RIPOR2: variants seen among roughly 807,000 people sequenced by gnomAD.
RIPOR2 encodes the protein RHO family interacting cell polarization regulator 2.
RIPOR2 carries 39 observed loss-of-function variants against 114.5 expected under a neutral mutation model. The ratio of observed to expected loss-of-function variants is 0.34; its 90% CI spans 0.26 to 0.44. The LOEUF is 0.44. Among genes scored for constraint, RIPOR2 ranks in the 20% least tolerant of loss-of-function variants. The pLI is 1.00. For missense variants in RIPOR2, 1,007 were observed against 1,255.1 expected (o/e 0.80, Z 2.99); for synonymous variants, 445 against 484.4 (o/e 0.92, Z 1.07).
At chr6:24,997,758 G>A (rs1393983336) in intron 1 of RIPOR2, among the ~76,000 whole-genome samples, 2 of 152,154 alleles carry the variant, frequency 1.3e-5, no homozygotes, top group African/African-American at 4.8e-5. Flanking sequence ...AAGACCCCCA[G>A]GTGATCTGTA....
At chr6:24,825,102 G>T in intron 19 of RIPOR2, 124 bp downstream of exon 19, 1 of 725,424 alleles carries the variant, frequency 1.4e-6, no homozygotes. Context: ...ATTGCTTTAT[G>T]GAGCACACAT....
Position 24,973,975 on chromosome 6 carries a change from G to A in RIPOR2, c.76+67876C>T, listed in dbSNP as rs938545690. 1.2e-4 allele frequency among the ~76,000 whole-genome samples: 19 copies of A among 152,258 alleles called. No individual in the cohort carries two copies. In the East Asian group the frequency reaches 2.9e-3, roughly 23 times the overall value. On this transcript the variant is annotated intron_variant, in intron 1 of 13. Coordinates refer to the RIPOR2 transcript ENST00000510784. ...GGAGAGAAGGAGAGGGATAAGGGTT[G>A]AAAAAGTAACTACTGGGTACTATGT...
chr6:24,937,422 C>T (rs1405695414), upstream of RIPOR2, among the ~76,000 whole-genome samples: 1 of 152,226 alleles, frequency 6.6e-6, no homozygotes, highest in African/African-American at 2.4e-5. Context: ...GACACACTGA[C>T]AGGCAGAGAA....
At position 24,935,866 on chromosome 6, in the gene RIPOR2, G is replaced by T; in HGVS notation, c.33C>A (p.Val11=). 1 of 1,535,256 alleles carries T rather than the reference G, an allele frequency of 6.5e-7. No individual in the cohort carries two copies. The highest frequency in any genetic ancestry group is 8.7e-7 in the Non-Finnish European group (1 of 1,146,638). The change falls in exon 1 of 22, where the codon GTC becomes GTA. Residue 11 remains valine (V), a synonymous_variant. Transcript: ENST00000643898. MQFFDAEELL[V]DEEDDVFGEG... Reference sequence around the variant, plus strand: ...CACCAAAAACATCATCCTCTTCATCGACCAGGAGCTCCTCAGCATCAAAAA... The same window carrying T: ...CACCAAAAACATCATCCTCTTCATCTACCAGGAGCTCCTCAGCATCAAAAA...
chr6:24,898,134 CA>C (rs1479156959), intron 1 of RIPOR2, among the ~76,000 whole-genome samples: 11 of 152,062 alleles, frequency 7.2e-5, no homozygotes, highest in African/African-American at 2.7e-4. Context: ...AATATGCACT[CA>C]GTTAAATGAC....
intron 8 of RIPOR2, among the ~76,000 whole-genome samples, chr6:24,854,983 T>C (rs1763300992): frequency 7.6e-6 from 1 of 131,872 alleles, no homozygotes; most frequent in African/African-American, 2.9e-5. Flanking sequence ...GCCGAGATCA[T>C]GCCACTGCAC....
intron 6 of RIPOR2, among the ~76,000 whole-genome samples, chr6:24,865,816 TAAAC>T (rs1488406107): frequency 6.6e-6 from 1 of 152,022 alleles, no homozygotes; most frequent in Non-Finnish European, 1.5e-5. Context: ...AAATAAGTAT[TAAAC>T]AAATAAGTAT....
chr6:24,869,818 T>G (rs1764981096), intron 5 of RIPOR2, among the ~76,000 whole-genome samples: 2 of 152,220 alleles, frequency 1.3e-5, no homozygotes, highest in South Asian at 4.1e-4. Flanking sequence ...TTTTTTCCCA[T>G]TCACATTTTA....
At chr6:24,917,489 G>T (rs888536874) in intron 1 of RIPOR2, among the ~76,000 whole-genome samples, 1 of 152,182 alleles carries the variant, frequency 6.6e-6, no homozygotes, top group African/African-American at 2.4e-5. Context: ...ATATCTACGT[G>T]TAAGCACAAT....
At chr6:25,028,948 T>C (rs968638454) in intron 1 of RIPOR2, among the ~76,000 whole-genome samples, 2 of 152,136 alleles carry the variant, frequency 1.3e-5, no homozygotes, top group African/African-American at 4.8e-5. Flanking sequence ...GGCACCATTG[T>C]TCAGTACAAC....
At chr6:24,881,659 G>A (rs1311219772) in intron 1 of RIPOR2, among the ~76,000 whole-genome samples, 1 of 152,096 alleles carries the variant, frequency 6.6e-6, no homozygotes, top group Admixed American at 6.5e-5. Flanking sequence ...ACATATCAGG[G>A]TCTTTTGAAA....
intron 8 of RIPOR2, among the ~76,000 whole-genome samples, chr6:24,856,910 C>A (rs1044915207): frequency 1.3e-5 from 2 of 150,740 alleles, no homozygotes; most frequent in Admixed American, 6.7e-5. Flanking sequence ...TTTTCCCCCC[C>A]CTTTAAAATT....
intron 1 of RIPOR2, among the ~76,000 whole-genome samples, chr6:25,034,958 T>C (rs961520401): frequency 1.3e-5 from 2 of 152,228 alleles, no homozygotes; most frequent in Admixed American, 6.5e-5. Context: ...ATGGATTTAA[T>C]CATTCAGGCA....
chr6:24,866,233 A>C (rs1764588090), intron 6 of RIPOR2, among the ~76,000 whole-genome samples: 1 of 152,362 alleles, frequency 6.6e-6, no homozygotes, highest in South Asian at 2.1e-4. Context: ...AATTGAAGCA[A>C]TATAAATGAA....
intron 1 of RIPOR2, among the ~76,000 whole-genome samples, chr6:24,917,935 G>A (rs1770203652): frequency 6.6e-6 from 1 of 152,182 alleles, no homozygotes; most frequent in Non-Finnish European, 1.5e-5. Flanking sequence ...ATCTGTAAAG[G>A]TCTTCCAAGG....
intron 1 of RIPOR2, among the ~76,000 whole-genome samples, chr6:24,961,126 T>C (rs751195360): frequency 6.6e-6 from 1 of 152,152 alleles, no homozygotes; most frequent in Non-Finnish European, 1.5e-5. Context: ...TTTACAGTCT[T>C]GTTGGCAAAA....
intron 1 of RIPOR2, among the ~76,000 whole-genome samples, chr6:25,016,226 A>G (rs1237954346): frequency 3.3e-5 from 5 of 152,152 alleles, no homozygotes; most frequent in African/African-American, 1.2e-4. Context: ...AGTTCTAAAA[A>G]TGAATAAAAA....
intron 1 of RIPOR2, chr6:25,024,065 C>T (rs138772916): frequency 2.6e-6 from 2 of 764,868 alleles, no homozygotes; most frequent in East Asian, 4.9e-5. Context: ...CTCCAGGGAG[C>T]AGTGCCCTTT....
chr6:24,894,032 G>A (rs909587143), intron 1 of RIPOR2, among the ~76,000 whole-genome samples: 7 of 152,096 alleles, frequency 4.6e-5, no homozygotes, highest in African/African-American at 1.7e-4. Flanking sequence ...CCACCATAGC[G>A]AGCTACCAAA....
Sources: gnomAD v4.1 joint callset for allele counts (sites outside exome capture counted in the v4.1 genomes callset) on GRCh38, gnomAD v4.1.1 for gene constraint, MANE v1.5 for transcripts, NCBI Gene and HGNC (gene_info 2026-07-23, HGNC 2026-07-21) for gene names.